Variants in PDLIM1 observed in about 807,000 individuals in gnomAD.
PDLIM1 encodes PDZ and LIM domain 1, also known as PDZ and LIM domain protein 1.
Under a neutral mutation model 35.2 loss-of-function variants are expected in PDLIM1, and 25 were observed. The observed-to-expected ratio is 0.71, with a 90% confidence interval of 0.52 to 0.99. The LOEUF (loss-of-function observed/expected upper bound fraction) is 0.99. Ranked by LOEUF, PDLIM1 falls within the 50% of genes least tolerant of loss-of-function variation. The pLI, the probability that PDLIM1 is intolerant of heterozygous loss-of-function variation, is 0.00. For synonymous variants in PDLIM1, 152 were observed against 154.0 expected, an observed-to-expected ratio of 0.99 and a Z score of 0.10; for missense variants, 363 against 415.3, an observed-to-expected ratio of 0.87 and a Z score of 1.09.
chr10:95,246,368 TGTCCAC>T (rs2035221739), intron 5 of PDLIM1, among the ~76,000 whole-genome samples: 1 of 152,246 alleles, frequency 6.6e-6, no homozygotes, highest in Non-Finnish European at 1.5e-5. Context: ...CTTTTACCAC[TGTCCAC>T]TTAAACATGA....
At chr10:95,240,505 G>T (rs754091036) in intron 5 of PDLIM1, among the ~76,000 whole-genome samples, 11 of 152,166 alleles carry the variant, frequency 7.2e-5, no homozygotes, top group Non-Finnish European at 1.3e-4. Flanking sequence ...GGTGGGGAGT[G>T]GGGGAAGGAG....
chr10:95,246,865 C>T (rs753325897), intron 5 of PDLIM1, among the ~76,000 whole-genome samples: 4 of 152,130 alleles, frequency 2.6e-5, no homozygotes, highest in Non-Finnish European at 5.9e-5. Flanking sequence ...CAGCCACTAC[C>T]AAGGTATTGT....
At chr10:95,265,693 T>A (rs898485362) in intron 3 of PDLIM1, among the ~76,000 whole-genome samples, 1 of 151,268 alleles carries the variant, frequency 6.6e-6, no homozygotes, top group Non-Finnish European at 1.5e-5. Flanking sequence ...ATCAGGAGGA[T>A]TGCTTGAGCC....
intron 1 of PDLIM1, among the ~76,000 whole-genome samples, chr10:95,274,324 GCT>G (rs1214771254): frequency 8.0e-6 from 1 of 125,078 alleles, no homozygotes; most frequent in Non-Finnish European, 1.6e-5. Flanking sequence ...ACGGAGTTTC[GCT>G]CTTGTTGACC....
intron 1 of PDLIM1, among the ~76,000 whole-genome samples, chr10:95,282,091 G>A (rs2035565938): frequency 2.0e-5 from 3 of 152,188 alleles, no homozygotes; most frequent in Admixed American, 6.5e-5. Context: ...TATACAACTG[G>A]GATAAAGAAA....
chr10:95,288,204 C>T (rs45491002), intron 1 of PDLIM1, among the ~76,000 whole-genome samples: 2,906 of 152,138 alleles, frequency 0.019, 89 homozygotes, highest in African/African-American at 0.065. Flanking sequence ...AAAAAAATTG[C>T]AAGTACATAA....
intron 5 of PDLIM1, among the ~76,000 whole-genome samples, chr10:95,244,067 T>A (rs2035199237): frequency 6.6e-6 from 1 of 152,204 alleles, no homozygotes; most frequent in South Asian, 2.1e-4. Flanking sequence ...TTAATACCAC[T>A]AAATTGTACA....
rs943104760 is a variant in PDLIM1 at position 95,238,794 on chromosome 10, C to G, written c.686-109G>C. 1.7e-5 allele frequency: 12 copies of G among 701,892 alleles called. No individual in the cohort carries two copies. The African/African-American group carries it at 2.1e-4, about 12-fold the overall frequency. 43.5% of individuals were successfully genotyped at this position (701,892 alleles called of 1,614,324 possible). Reference sequence around the variant, plus strand: ...ATATGTTCAAGCAAGGCCATGGGAACTGGAGTGACTCTGCTCTGTGATCCT... The same window carrying G: ...ATATGTTCAAGCAAGGCCATGGGAAGTGGAGTGACTCTGCTCTGTGATCCT... On this transcript the variant is annotated intron_variant, in intron 5 of 6. Coordinates refer to ENST00000329399, the MANE Select transcript of PDLIM1 (RefSeq NM_020992.4).
chr10:95,275,157 G>A (rs1034231264), intron 1 of PDLIM1, among the ~76,000 whole-genome samples: 3 of 152,040 alleles, frequency 2.0e-5, no homozygotes, highest in Admixed American at 6.6e-5. Flanking sequence ...GATGCCCCCC[G>A]ACCAAGATGC....
chr10:95,257,356 C>T (rs2035325031), intron 4 of PDLIM1, among the ~76,000 whole-genome samples: 1 of 151,252 alleles, frequency 6.6e-6, no homozygotes. Flanking sequence ...ATTTCTGTAC[C>T]ACAAAGGAAA....
At chr10:95,276,801 C>T (rs1016253568) in intron 1 of PDLIM1, among the ~76,000 whole-genome samples, 1 of 149,364 alleles carries the variant, frequency 6.7e-6, no homozygotes, top group African/African-American at 2.5e-5. Context: ...AGAGTCCACC[C>T]ACTTAACCAA....
chr10:95,241,136 G>C (rs1763055561), intron 5 of PDLIM1, among the ~76,000 whole-genome samples: 1 of 152,226 alleles, frequency 6.6e-6, no homozygotes, highest in African/African-American at 2.4e-5. Context: ...TCGCGGGGCT[G>C]ACAGACAAGG....
chr10:95,254,030 A>G (rs1331599697), intron 4 of PDLIM1, among the ~76,000 whole-genome samples: 2 of 152,236 alleles, frequency 1.3e-5, no homozygotes, highest in South Asian at 4.1e-4. Flanking sequence ...TATTCTAAAA[A>G]AAATGATGTC....
intron 1 of PDLIM1, among the ~76,000 whole-genome samples, chr10:95,272,417 C>T (rs1432707453): frequency 6.6e-6 from 1 of 152,152 alleles, no homozygotes; most frequent in Non-Finnish European, 1.5e-5. Flanking sequence ...GTGGCTCATG[C>T]CTGTAATCCC....
chr10:95,242,520 C>G (rs557437534), intron 5 of PDLIM1, among the ~76,000 whole-genome samples: 2 of 152,120 alleles, frequency 1.3e-5, no homozygotes, highest in South Asian at 4.2e-4. Context: ...AACCCCATCT[C>G]TACTAACAAT....
At chr10:95,285,184 C>T (rs2035592487) in intron 1 of PDLIM1, among the ~76,000 whole-genome samples, 1 of 152,162 alleles carries the variant, frequency 6.6e-6, no homozygotes, top group African/African-American at 2.4e-5. Context: ...CATAACTGGA[C>T]TGTAAATTCT....
intron 3 of PDLIM1, among the ~76,000 whole-genome samples, chr10:95,266,027 C>T (rs1178929493): frequency 1.3e-5 from 2 of 151,988 alleles, no homozygotes; most frequent in Non-Finnish European, 2.9e-5. Context: ...GGTGAAACCT[C>T]GTTTCTACTA....
In PDLIM1 at chr10:95,255,817, A is replaced by G. The variant is rs541919672; in HGVS notation, c.533+8047T>C. 1.1e-4 allele frequency among the ~76,000 whole-genome samples: 17 copies of G among 152,068 alleles called. No individual in the cohort carries two copies. In the East Asian group the frequency reaches 3.3e-3, roughly 29 times the overall value. On this transcript the variant is annotated intron_variant, in intron 4 of 6. Coordinates refer to ENST00000329399, the MANE Select transcript of PDLIM1 (RefSeq NM_020992.4). Reference sequence around the variant, plus strand: ...AAGTCAAAGAAATAAAAGGCATCCAAATTGGGAAGGAAGAAGTAAAATTGT... The same window carrying G: ...AAGTCAAAGAAATAAAAGGCATCCAGATTGGGAAGGAAGAAGTAAAATTGT...
intron 1 of PDLIM1, among the ~76,000 whole-genome samples, chr10:95,287,025 C>G (rs1443230091): frequency 6.6e-6 from 1 of 152,230 alleles, no homozygotes; most frequent in Non-Finnish European, 1.5e-5. Context: ...TCAAACAAAC[C>G]AGCAAGGTTG....
Sources: allele counts gnomAD v4.1 joint callset (sites outside exome capture counted in the v4.1 genomes callset), GRCh38; gene constraint gnomAD v4.1.1; transcripts MANE v1.5; gene names NCBI Gene and HGNC (gene_info 2026-07-23, HGNC 2026-07-21).